Variants in CLEC16A observed in about 807,000 individuals in gnomAD.
CLEC16A encodes C-type lectin domain containing 16A, also known as protein CLEC16A.
Under a neutral mutation model 109.5 loss-of-function variants are expected in CLEC16A, and 51 were observed. The observed-to-expected ratio is 0.47, with a 90% CI of 0.37 to 0.59. CLEC16A has a LOEUF of 0.59. Ranked by LOEUF, CLEC16A falls within the 20% of genes least tolerant of loss-of-function variation. The pLI is 0.00. For missense variants in CLEC16A, 1,339 were observed against 1,394.0 expected, an observed-to-expected ratio of 0.96 and a Z score of 0.63; for synonymous variants, 673 against 564.2, an observed-to-expected ratio of 1.19 and a Z score of -2.73.
In CLEC16A at chr16:11,149,464, T is replaced by TA. The variant is rs553743709; in HGVS notation, c.2642-16913dup. ...CCCTGTTTTGTCTCTTTCTCTCATT[T>TA]AAAAAAAAAAATACATGAGTTGATT... is the stretch of plus-strand genomic sequence containing the variant. On this transcript the variant is annotated intron_variant, in intron 22 of 23. Coordinates refer to ENST00000409790, the MANE Select transcript of CLEC16A (RefSeq NM_015226.3). Among the ~76,000 whole-genome samples, 317 of 148,242 alleles carry TA rather than the reference T, an allele frequency of 2.1e-3. 1 individual carries two copies. The highest frequency in any genetic ancestry group is 2.9e-3 in the African/African-American group (118 of 40,682).
At chr16:11,006,209 T>G (rs1273580806) in intron 11 of CLEC16A, among the ~76,000 whole-genome samples, 2 of 152,128 alleles carry the variant, frequency 1.3e-5, no homozygotes, top group Non-Finnish European at 2.9e-5. Context: ...GGGCCTGACT[T>G]GGGTCCTCTT....
intron 7 of CLEC16A, among the ~76,000 whole-genome samples, chr16:10,974,847 G>A (rs1165733477): frequency 6.6e-6 from 1 of 152,252 alleles, no homozygotes; most frequent in African/African-American, 2.4e-5. Flanking sequence ...TGGCTCCACA[G>A]GGAATGTTAT....
intron 19 of CLEC16A, among the ~76,000 whole-genome samples, chr16:11,063,918 AAG>A (rs1309107904): frequency 2.7e-5 from 4 of 150,650 alleles, no homozygotes; most frequent in Non-Finnish European, 4.4e-5. Context: ...GGTGGGAAGG[AAG>A]AGAGAGAGGA....
At chr16:10,957,357 C>T (rs982054470) in intron 1 of CLEC16A, among the ~76,000 whole-genome samples, 1 of 152,232 alleles carries the variant, frequency 6.6e-6, no homozygotes, top group Non-Finnish European at 1.5e-5. Flanking sequence ...AGGCATCCAG[C>T]CTGAGCTGTA....
chr16:10,971,672 C>A (rs2042794477), intron 5 of CLEC16A: 1 of 271,376 alleles, frequency 3.7e-6, no homozygotes, highest in Non-Finnish European at 5.6e-6. Context: ...GTATTCCCAA[C>A]AGGCTGCAAA....
intron 19 of CLEC16A, among the ~76,000 whole-genome samples, chr16:11,087,818 G>T (rs1450449516): frequency 6.6e-6 from 1 of 152,262 alleles, no homozygotes; most frequent in Non-Finnish European, 1.5e-5. Flanking sequence ...GGCTTGCCCA[G>T]GTCGCTGGCC....
At chr16:11,005,590 A>G (rs2044952082) in intron 11 of CLEC16A, among the ~76,000 whole-genome samples, 1 of 152,192 alleles carries the variant, frequency 6.6e-6, no homozygotes. Context: ...TACAACTTTC[A>G]TAGACCGGTC....
At chr16:11,165,802 G>C (rs1460979874) in intron 22 of CLEC16A, among the ~76,000 whole-genome samples, 1 of 152,090 alleles carries the variant, frequency 6.6e-6, no homozygotes, top group Non-Finnish European at 1.5e-5. Context: ...AGATGCTGAG[G>C]GCCATTTGAG....
intron 19 of CLEC16A, among the ~76,000 whole-genome samples, chr16:11,082,651 C>T (rs1003476930): frequency 1.3e-5 from 2 of 152,142 alleles, no homozygotes; most frequent in African/African-American, 4.8e-5. Flanking sequence ...TCAGCCCTGG[C>T]GATCAAGCTA....
At chr16:11,016,618 G>T (rs1191200978) in intron 11 of CLEC16A, among the ~76,000 whole-genome samples, 6 of 152,148 alleles carry the variant, frequency 3.9e-5, no homozygotes, top group Non-Finnish European at 7.4e-5. Flanking sequence ...TTACAGGCAT[G>T]AGCCTCCACG....
chr16:10,956,404 G>A (rs59395256), intron 1 of CLEC16A, among the ~76,000 whole-genome samples: 27,433 of 152,108 alleles, frequency 0.18, 2,677 homozygotes, highest in South Asian at 0.29. Flanking sequence ...CTATCTAGAC[G>A]TTTCCTTCCT....
chr16:10,999,960 C>A (rs1391721932), intron 10 of CLEC16A, among the ~76,000 whole-genome samples: 1 of 152,166 alleles, frequency 6.6e-6, no homozygotes, highest in Non-Finnish European at 1.5e-5. Flanking sequence ...CCTCAGCCTC[C>A]CGAGTAGTTG....
intron 2 of CLEC16A, among the ~76,000 whole-genome samples, chr16:10,962,165 G>A (rs927079741): frequency 1.3e-5 from 2 of 151,932 alleles, no homozygotes; most frequent in African/African-American, 4.8e-5. Flanking sequence ...TGCCCAGGCT[G>A]GGTCTTGAAC....
At chr16:10,992,619 G>A (rs1228922176) in intron 10 of CLEC16A, among the ~76,000 whole-genome samples, 2 of 151,928 alleles carry the variant, frequency 1.3e-5, no homozygotes, top group African/African-American at 4.8e-5. Flanking sequence ...AGTTCTGGGT[G>A]GGTCATTTTC....
chr16:11,102,193 A>G (rs1208334864), intron 19 of CLEC16A, among the ~76,000 whole-genome samples: 1 of 152,230 alleles, frequency 6.6e-6, no homozygotes. Context: ...CGTAGTTTAA[A>G]TAAGGCCATC....
intron 12 of CLEC16A, chr16:11,024,327 T>C (rs991790236): frequency 5.7e-5 from 9 of 157,096 alleles, no homozygotes; most frequent in Non-Finnish European, 1.3e-4. Flanking sequence ...GTTTGCTGAA[T>C]AAAAAGCTAA....
chr16:11,153,229 T>C (rs548351130), intron 22 of CLEC16A, among the ~76,000 whole-genome samples: 219 of 152,250 alleles, frequency 1.4e-3, no homozygotes, highest in Non-Finnish European at 2.7e-3. Flanking sequence ...AACTGTGCAA[T>C]TGGCATCTGA....
chr16:11,177,117 G>C (rs1241603802), intron 23 of CLEC16A, among the ~76,000 whole-genome samples: 1 of 152,202 alleles, frequency 6.6e-6, no homozygotes, highest in African/African-American at 2.4e-5. Context: ...ATGGCTTGGG[G>C]ACCCCCAGCT....
chr16:11,134,182 ATTTTTTTTTT>A (rs34036131), intron 22 of CLEC16A, among the ~76,000 whole-genome samples: 1 of 124,062 alleles, frequency 8.1e-6, no homozygotes, highest in Non-Finnish European at 1.7e-5. Context: ...CCCTTTTCTG[ATTTTTTTTTT>A]TTTTTTTTTT....
Sources: gnomAD v4.1 joint callset for allele counts (sites outside exome capture counted in the v4.1 genomes callset) on GRCh38, gnomAD v4.1.1 for gene constraint, MANE v1.5 for transcripts, NCBI Gene and HGNC (gene_info 2026-07-23, HGNC 2026-07-21) for gene names.